EPRS1: variants seen among roughly 807,000 people sequenced by gnomAD.
The protein encoded by EPRS1 is glutamyl-prolyl-tRNA synthetase 1.
A neutral mutation model predicts 188.3 loss-of-function variants in EPRS1; 107 were observed. The ratio of observed to expected loss-of-function variants is 0.57; its 90% confidence interval spans 0.49 to 0.67. The LOEUF (loss-of-function observed/expected upper bound fraction) is 0.67, where lower values mean the gene tolerates loss of function less well. EPRS1 is among the 30% of genes least tolerant of loss of function. The pLI is 0.00. For synonymous variants in EPRS1, 596 were observed against 593.1 expected, an observed-to-expected ratio of 1.00 and a Z score of -0.07; for missense variants, 1,577 against 1,802.2, an observed-to-expected ratio of 0.88 and a Z score of 2.26.
intron 20 of EPRS1, among the ~76,000 whole-genome samples, chr1:219,984,472 G>A (rs988784552): frequency 1.3e-5 from 2 of 152,152 alleles, no homozygotes; most frequent in Admixed American, 6.5e-5. Context: ...AGGCTGGAGC[G>A]CAATGGTGTG....
At position 219,988,656 on chromosome 1, in the gene EPRS1, T is replaced by C; in HGVS notation, c.2709A>G (p.Val903=). 3.1e-6 allele frequency: 5 copies of C among 1,614,004 alleles called. No individual in the cohort carries two copies. Among genetic ancestry groups the C allele is most frequent in the Non-Finnish European group, 4.2e-6 (5 of 1,179,918 alleles). The part of the protein sequence containing the change: ...PAGLETPEAK[V]LFDKVASQGE... ...CTTGAGAAGCTACTTTGTCAAAAAG[T>C]ACTTTCGCTTCTGGTGTTTCTAAAC... Residue 903 remains valine, a synonymous_variant, in exon 19 of 32, where the codon GTA becomes GTG. Coordinates refer to ENST00000366923, the MANE Select transcript of EPRS1 (RefSeq NM_004446.3).
chr1:219,997,080 T>A lies in EPRS1; in HGVS notation c.2444A>T (p.Asn815Ile). Residue 815 changes from asparagine to isoleucine, a missense_variant, in exon 18 of 32, where the codon AAT becomes ATT. Physicochemically the swap from Asn to Ile is moderately radical, Grantham distance 149. Coordinates refer to ENST00000366923, the MANE Select transcript of EPRS1 (RefSeq NM_004446.3). ...PAEIGQNISS[N>I]SSASILESKS... is the part of the protein sequence containing the mutation. The stretch of plus-strand genomic sequence containing the variant: ...ACTTTCCAGAATACTTGCTGAGGAA[T>A]TAGAAGAAATATTCTGTCCTATTTC... 1 of 1,614,042 alleles carries A rather than the reference T, an allele frequency of 6.2e-7. No individual in the cohort carries two copies. Among genetic ancestry groups the A allele is most frequent in the Non-Finnish European group, 8.5e-7 (1 of 1,179,944 alleles).
chr1:219,987,174 T>C lies in EPRS1; in HGVS notation c.3006A>G (p.Ala1002=). 6.2e-7 allele frequency: 1 copy of C among 1,613,808 alleles called. No individual in the cohort carries two copies. Among genetic ancestry groups the C allele is most frequent in the Admixed American group, 1.7e-5 (1 of 59,928 alleles). Residue 1002 remains alanine (A), a synonymous_variant, in exon 20 of 32, where the codon GCA becomes GCG. Transcript: ENST00000366923. ...GTTTCTTAGGCCCCTGCCCTTCTCC[T>C]GCTCCACTTGATGAGAGCCCACCTC... The part of the protein sequence containing the change: ...NQGGGLSSSG[A]GEGQGPKKQT...
intron 13 of EPRS1, 157 bp from the exon 14 acceptor site, chr1:220,007,495 A>G: frequency 3.4e-6 from 2 of 584,154 alleles, no homozygotes; most frequent in East Asian, 6.0e-5. Flanking sequence ...AAAATGCTTT[A>G]CTCTTTCTCC....
At chr1:220,015,790 A>AAC (rs2102586327) in intron 12 of EPRS1, among the ~76,000 whole-genome samples, 1 of 82,918 alleles carries the variant, frequency 1.2e-5, no homozygotes, top group South Asian at 3.8e-4. Flanking sequence ...GCAAGAAGGT[A>AAC]ATATAAAAAA....
chr1:220,019,855 T>C (rs12084196), intron 10 of EPRS1, 133 bp downstream of exon 10: 7,853 of 629,704 alleles, frequency 0.012, 419 homozygotes, highest in African/African-American at 0.12. Context: ...GAGAAGAAGA[T>C]AAGAATCAGG....
chr1:220,005,408 GTAAAA>G, intron 15 of EPRS1, 48 bp from the exon 16 acceptor site: 2 of 943,514 alleles, frequency 2.1e-6, no homozygotes, highest in East Asian at 5.1e-5. Flanking sequence ...AATCATAGTA[GTAAAA>G]TAACTCTAAA....
intron 8 of EPRS1, 80 bp from the exon 9 acceptor site, chr1:220,022,598 A>G (rs1041473893): frequency 8.5e-7 from 1 of 1,181,326 alleles, no homozygotes; most frequent in Non-Finnish European, 1.2e-6. Context: ...TTTGATATAA[A>G]TTTTCATGTT....
At chr1:220,008,373 C>A (rs553421796) in intron 13 of EPRS1, among the ~76,000 whole-genome samples, 1 of 151,178 alleles carries the variant, frequency 6.6e-6, no homozygotes, top group African/African-American at 2.4e-5. Flanking sequence ...AAAAAGAACG[C>A]CATAATTTCA....
At chr1:220,011,313 T>C (rs761100541) in intron 12 of EPRS1, among the ~76,000 whole-genome samples, 66 of 152,216 alleles carry the variant, frequency 4.3e-4, no homozygotes, top group Non-Finnish European at 8.5e-4. Context: ...AATTAAAGCA[T>C]AATATTAGAG....
Position 219,980,771 on chromosome 1 carries a change from T to C in EPRS1, c.3540A>G (p.Glu1180=). The change falls in exon 25 of 32, where the codon GAA becomes GAG. Residue 1180 remains glutamate (E), a synonymous_variant. Transcript: ENST00000366923. ...QEGHSAFATM[E]EAAEEVLQIL... is the part of the protein sequence containing the mutation. ...CTTTTTATACCTCTTCCGCTGCCTC[T>C]TCCATGGTAGCAAAAGCACTGTGCC... 1 of 1,610,908 alleles carries C rather than the reference T, an allele frequency of 6.2e-7. No homozygotes were observed. Among genetic ancestry groups the C allele is most frequent in the Non-Finnish European group, 8.5e-7 (1 of 1,177,592 alleles).
At chr1:220,021,995 T>C (rs935631973) in intron 9 of EPRS1, among the ~76,000 whole-genome samples, 1 of 152,216 alleles carries the variant, frequency 6.6e-6, no homozygotes, top group Non-Finnish European at 1.5e-5. Flanking sequence ...CTATTACTTT[T>C]AGGAATCAAT....
At chr1:220,018,142 C>T (rs962649738) in intron 12 of EPRS1, 15 of 1,353,804 alleles carry the variant, frequency 1.1e-5, no homozygotes, top group South Asian at 7.4e-5. Context: ...ACAGAGAGCT[C>T]GCAGCTTGAA....
intron 18 of EPRS1, among the ~76,000 whole-genome samples, chr1:219,989,294 A>C (rs1057269810): frequency 2.0e-5 from 3 of 152,172 alleles, no homozygotes; most frequent in African/African-American, 7.2e-5. Context: ...AAAAACTGAC[A>C]ATGAGATGAG....
intron 9 of EPRS1, among the ~76,000 whole-genome samples, chr1:220,020,824 T>A (rs1220083950): frequency 2.1e-4 from 23 of 109,254 alleles, no homozygotes; most frequent in South Asian, 3.5e-4. Context: ...CAATTTGAAT[T>A]TATATATATA....
intron 9 of EPRS1, 116 bp from the exon 10 acceptor site, chr1:220,020,337 A>C (rs572852032): frequency 7.7e-5 from 53 of 683,938 alleles, no homozygotes; most frequent in Non-Finnish European, 1.0e-4. Flanking sequence ...AGAGATTCTT[A>C]AAAACCAAAA....
At position 219,987,159 on chromosome 1, in the gene EPRS1, C is replaced by T. The variant is rs1026604394; in HGVS notation, c.3021G>A (p.Gly1007=). ...LSSSGAGEGQ[G]PKKQTRLGLE... ...TTCATTACCTGGTCTGTTTCTTAGG[C>T]CCCTGCCCTTCTCCTGCTCCACTTG... Residue 1007 remains glycine, a synonymous_variant, in exon 20 of 32, where the codon GGG becomes GGA. Transcript: ENST00000366923. 1 of 1,612,624 alleles carries T rather than the reference C, an allele frequency of 6.2e-7. No individual in the cohort carries two copies. Among genetic ancestry groups the T allele is most frequent in the African/African-American group, 1.3e-5 (1 of 74,786 alleles).
intron 16 of EPRS1, among the ~76,000 whole-genome samples, chr1:220,002,567 A>C (rs1411675154): frequency 1.3e-5 from 2 of 152,092 alleles, no homozygotes; most frequent in Non-Finnish European, 2.9e-5. Flanking sequence ...TATTTATTTT[A>C]AAATATTTAA....
chr1:219,988,335 A>C (rs935288957), intron 19 of EPRS1, among the ~76,000 whole-genome samples: 2 of 152,152 alleles, frequency 1.3e-5, no homozygotes, highest in Admixed American at 1.3e-4. Context: ...GAGGGAAACA[A>C]ACAATTTAAC....
Sources: allele counts gnomAD v4.1 joint callset (sites outside exome capture counted in the v4.1 genomes callset), GRCh38; gene constraint gnomAD v4.1.1; transcripts MANE v1.5; gene names NCBI Gene and HGNC (gene_info 2026-07-23, HGNC 2026-07-21).